The following GRAMD1B variants were observed in gnomAD, a reference collection of about 807,000 sequenced individuals.
GRAMD1B encodes the protein GRAM domain containing 1B, also known as protein Aster-B.
In GRAMD1B, 37 loss-of-function variants were observed where a neutral mutation model predicts 99.7. The ratio of observed to expected loss-of-function variants is 0.37; its 90% confidence interval spans 0.29 to 0.49. The LOEUF (loss-of-function observed/expected upper bound fraction) is 0.49, where lower values mean the gene tolerates loss of function less well. Ranked by LOEUF, GRAMD1B falls within the 20% of genes least tolerant of loss-of-function variation. GRAMD1B has a pLI of 0.98. For synonymous variants in GRAMD1B, 427 were observed against 387.6 expected, an observed-to-expected ratio of 1.10 and a Z score of -1.19; for missense variants, 888 against 1,009.2, an observed-to-expected ratio of 0.88 and a Z score of 1.63.
rs1395271631 is a variant in GRAMD1B at position 123,587,247 on chromosome 11, G to A, written c.684+2915G>A. On this transcript the variant is annotated intron_variant, in intron 4 of 19. Transcript: ENST00000635736. This position sits in a 1 kb window ranked among gnomAD's most constrained non-coding sequence, Gnocchi z 4.2. Reference sequence around the variant, plus strand: ...AAGTGGCTGGACCCCAGGGACACAGGGAGAGGCCATAGCAGGAGAGTGTCA... The same window carrying A: ...AAGTGGCTGGACCCCAGGGACACAGAGAGAGGCCATAGCAGGAGAGTGTCA... Among the ~76,000 whole-genome samples, 1 of 152,212 alleles carries A rather than the reference G, an allele frequency of 6.6e-6. No homozygotes were observed. The highest frequency in any genetic ancestry group is 1.5e-5 in the Non-Finnish European group (1 of 68,040).
chr11:123,435,371 T>C, intron 1 of GRAMD1B: 1 of 695,118 alleles, frequency 1.4e-6, no homozygotes, highest in South Asian at 1.5e-5. Context: ...AATTTTTGTT[T>C]TTTCATTATT....
At position 123,437,768 on chromosome 11, in the gene GRAMD1B, G is replaced by A. The variant is rs74460199; in HGVS notation, c.374+6602G>A. ...GTGGTTTGCCTGTAATGAATACACA[G>A]CATTGGTATATTTATCTTGATTCTT... On this transcript the variant is annotated intron_variant, in intron 1 of 19. Coordinates refer to ENST00000635736, the MANE Select transcript of GRAMD1B (RefSeq NM_001387025.1). 5.2e-3 allele frequency among the ~76,000 whole-genome samples: 793 copies of A among 152,332 alleles called. 10 individuals are homozygous for A. Among genetic ancestry groups the A allele is most frequent in the African/African-American group, 0.018 (754 of 41,568 alleles).
intron 2 of GRAMD1B, among the ~76,000 whole-genome samples, chr11:123,504,488 G>A (rs1279838607): frequency 6.6e-6 from 1 of 152,028 alleles, no homozygotes; most frequent in African/African-American, 2.4e-5. Flanking sequence ...AGAAACTTCC[G>A]CTTCAAGCCT....
intron 2 of GRAMD1B, among the ~76,000 whole-genome samples, chr11:123,507,300 T>C (rs1940532892): frequency 6.6e-6 from 1 of 152,218 alleles, no homozygotes; most frequent in Non-Finnish European, 1.5e-5. Context: ...GGGGGTATGA[T>C]TGATTACTCT....
chr11:123,384,500 T>A (rs1946992343), intron 1 of GRAMD1B, among the ~76,000 whole-genome samples: 1 of 152,228 alleles, frequency 6.6e-6, no homozygotes, highest in Non-Finnish European at 1.5e-5. Flanking sequence ...GTTTTCTTTC[T>A]TGCACACAAG....
intron 6 of GRAMD1B, among the ~76,000 whole-genome samples, chr11:123,595,521 C>T (rs1229365118): frequency 9.2e-5 from 14 of 151,904 alleles, no homozygotes. Context: ...CTTGAACTGC[C>T]GACCTCAGGT....
intron 1 of GRAMD1B, among the ~76,000 whole-genome samples, chr11:123,400,287 AC>A (rs1476763543): frequency 7.9e-5 from 12 of 152,006 alleles, no homozygotes; most frequent in African/African-American, 2.9e-4. Context: ...GACCAGCCTG[AC>A]CAATATGATG....
intron 7 of GRAMD1B, among the ~76,000 whole-genome samples, chr11:123,599,855 G>C (rs1951736316): frequency 6.6e-6 from 1 of 152,300 alleles, no homozygotes; most frequent in African/African-American, 2.4e-5. Flanking sequence ...CCCTTTATTA[G>C]TTGTCAGCTT....
At chr11:123,414,067 CAG>C (rs1210609606) in intron 1 of GRAMD1B, among the ~76,000 whole-genome samples, 1 of 146,342 alleles carries the variant, frequency 6.8e-6, no homozygotes, top group African/African-American at 2.6e-5. Flanking sequence ...TTTTTTGAGA[CAG>C]AGTCTTGCTC....
At chr11:123,527,186 G>T (rs1030691762) in intron 2 of GRAMD1B, among the ~76,000 whole-genome samples, 21 of 152,164 alleles carry the variant, frequency 1.4e-4, no homozygotes, top group African/African-American at 4.3e-4. Context: ...CGTGGGGTGG[G>T]GTGGCGGCAG....
At chr11:123,469,546 G>A (rs1950881160) in intron 1 of GRAMD1B, among the ~76,000 whole-genome samples, 4 of 152,162 alleles carry the variant, frequency 2.6e-5, no homozygotes, top group Admixed American at 2.6e-4. Flanking sequence ...TTTACTTGTG[G>A]AGTATAAGGA....
intron 2 of GRAMD1B, among the ~76,000 whole-genome samples, chr11:123,499,759 C>T (rs938893701): frequency 1.3e-5 from 2 of 152,048 alleles, no homozygotes; most frequent in Non-Finnish European, 2.9e-5. Context: ...TTGCGTGCAC[C>T]CCCTACTTCC....
chr11:123,557,932 A>T (rs1946318727), intron 2 of GRAMD1B, among the ~76,000 whole-genome samples: 1 of 148,324 alleles, frequency 6.7e-6, no homozygotes, highest in African/African-American at 2.5e-5. Flanking sequence ...GATTCCACCA[A>T]CCCCTGTGTC....
upstream of GRAMD1B, among the ~76,000 whole-genome samples, chr11:123,428,784 G>A (rs1591506230): frequency 6.6e-6 from 1 of 152,344 alleles, no homozygotes; most frequent in South Asian, 2.1e-4. Flanking sequence ...TGGCACGGAA[G>A]CTGGGCATTG....
chr11:123,519,887 T>C (rs929924868), intron 2 of GRAMD1B, among the ~76,000 whole-genome samples: 5 of 152,256 alleles, frequency 3.3e-5, no homozygotes, highest in African/African-American at 1.2e-4. Context: ...CCTTGGCTTC[T>C]GCCACTCAGT....
intron 1 of GRAMD1B, among the ~76,000 whole-genome samples, chr11:123,456,999 G>GTACT (rs1243294289): frequency 6.6e-6 from 1 of 150,696 alleles, no homozygotes; most frequent in African/African-American, 2.4e-5. Context: ...GTGGTCCCAG[G>GTACT]TACTCGGGAG....
intron 1 of GRAMD1B, among the ~76,000 whole-genome samples, chr11:123,466,316 GAGAAAGAA>G (rs145728083): frequency 2.9e-5 from 4 of 136,318 alleles, no homozygotes; most frequent in African/African-American, 5.7e-5. Context: ...GAGAGAGAAA[GAGAAAGAA>G]AGAAAGAAAG....
intron 1 of GRAMD1B, among the ~76,000 whole-genome samples, chr11:123,373,362 C>G (rs916373482): frequency 1.3e-5 from 2 of 152,238 alleles, no homozygotes; most frequent in African/African-American, 4.8e-5. Context: ...GGCTTCTGAT[C>G]TACCAAGGTA....
intron 1 of GRAMD1B, among the ~76,000 whole-genome samples, chr11:123,399,387 A>G (rs963831469): frequency 6.6e-6 from 1 of 152,226 alleles, no homozygotes; most frequent in Admixed American, 6.5e-5. Context: ...TAGTGCTGCA[A>G]TGAACATGGA....
Sources: allele counts gnomAD v4.1 joint callset (sites outside exome capture counted in the v4.1 genomes callset), GRCh38; gene constraint gnomAD v4.1.1; non-coding constraint Gnocchi (gnomAD v3.1); transcripts MANE v1.5; gene names NCBI Gene and HGNC (gene_info 2026-07-23, HGNC 2026-07-21).